FBXL2: variants seen among roughly 807,000 people sequenced by gnomAD.
FBXL2 encodes F-box/LRR-repeat protein 2.
FBXL2 carries 38 observed loss-of-function variants against 69.2 expected under a neutral mutation model. That is an observed-to-expected ratio of 0.55 (90% CI 0.42 to 0.72). The LOEUF (loss-of-function observed/expected upper bound fraction) is 0.72, where lower values mean the gene tolerates loss of function less well. FBXL2 is among the 30% of genes least tolerant of loss of function. The pLI is 0.00. For synonymous variants in FBXL2, 192 were observed against 201.3 expected, an observed-to-expected ratio of 0.95 and a Z score of 0.39; for missense variants, 354 against 520.3, an observed-to-expected ratio of 0.68 and a Z score of 3.11.
At chr3:33,385,094 C>A (rs1272249390) in intron 14 of FBXL2, among the ~76,000 whole-genome samples, 1 of 152,182 alleles carries the variant, frequency 6.6e-6, no homozygotes, top group Non-Finnish European at 1.5e-5. Flanking sequence ...GGAGGTAGAA[C>A]TCTCTTGGCT....
intron 2 of FBXL2, among the ~76,000 whole-genome samples, chr3:33,341,486 A>G (rs1260610519): frequency 6.6e-6 from 1 of 152,158 alleles, no homozygotes; most frequent in African/African-American, 2.4e-5. Context: ...ATAAAGTGGC[A>G]GGATGGTGCC....
At chr3:33,400,313 A>C (rs769032827) in intron 12 of FBXL2, 15 of 1,534,490 alleles carry the variant, frequency 9.8e-6, no homozygotes, top group Non-Finnish European at 1.2e-5. Flanking sequence ...CATAAATAAA[A>C]GGAACCATTC....
intron 14 of FBXL2, among the ~76,000 whole-genome samples, chr3:33,385,007 G>A (rs998306014): frequency 1.3e-5 from 2 of 152,116 alleles, no homozygotes; most frequent in Admixed American, 6.6e-5. Context: ...CAGCCTGGGC[G>A]ACAAGAGTGA....
intron 2 of FBXL2, among the ~76,000 whole-genome samples, chr3:33,298,160 A>G (rs2035915938): frequency 6.6e-6 from 1 of 152,226 alleles, no homozygotes; most frequent in Non-Finnish European, 1.5e-5. Flanking sequence ...TTAGCACTTA[A>G]AATGCTGTCA....
At chr3:33,380,827 C>G (rs1433127748) in intron 13 of FBXL2, among the ~76,000 whole-genome samples, 1 of 152,152 alleles carries the variant, frequency 6.6e-6, no homozygotes, top group Non-Finnish European at 1.5e-5. Context: ...CTGCTCGCTT[C>G]CAGAATGCAT....
chr3:33,354,005 C>T (rs2041013985), intron 2 of FBXL2, among the ~76,000 whole-genome samples: 1 of 152,158 alleles, frequency 6.6e-6, no homozygotes, highest in Non-Finnish European at 1.5e-5. Flanking sequence ...AGCTACATGA[C>T]ATGCATTTGG....
chr3:33,339,296 G>C (rs2039832339), intron 2 of FBXL2, among the ~76,000 whole-genome samples: 1 of 152,196 alleles, frequency 6.6e-6, no homozygotes, highest in Non-Finnish European at 1.5e-5. Context: ...TGAGGATGCA[G>C]AGAGAGGGGA....
At chr3:33,408,911 C>G in the FBXL2 span, 2 of 1,042,256 alleles carry the variant, frequency 1.9e-6, no homozygotes, top group Admixed American at 2.5e-5. Flanking sequence ...TAACAGGATT[C>G]AAAGTTAAAA....
At chr3:33,320,720 C>T (rs1037383897) in intron 2 of FBXL2, among the ~76,000 whole-genome samples, 2 of 151,956 alleles carry the variant, frequency 1.3e-5, no homozygotes, top group Non-Finnish European at 2.9e-5. Flanking sequence ...ACCTGGTGAT[C>T]CACCTTCCTC....
At chr3:33,378,594 A>C (rs188669696) in intron 12 of FBXL2, 91 bp from the exon 13 acceptor site, 1 of 1,304,840 alleles carries the variant, frequency 7.7e-7, no homozygotes, top group East Asian at 2.3e-5. Context: ...TAATTCTTTT[A>C]CACCTTTTGA....
chr3:33,384,761 A>T (rs61051554), intron 14 of FBXL2, among the ~76,000 whole-genome samples: 60,004 of 151,836 alleles, frequency 0.4, 13,102 homozygotes, highest in East Asian at 0.6. Context: ...CTATGTTGGG[A>T]TGGGCGCGGT....
chr3:33,370,485 G>T (rs67739017), intron 5 of FBXL2, among the ~76,000 whole-genome samples: 1 of 151,574 alleles, frequency 6.6e-6, no homozygotes, highest in Non-Finnish European at 1.5e-5. Flanking sequence ...GTATTTTAAG[G>T]ATGGTGCTCC....
At chr3:33,400,342 C>CA in intron 12 of FBXL2, 2 of 1,365,756 alleles carry the variant, frequency 1.5e-6, no homozygotes, top group African/African-American at 3.0e-5. Flanking sequence ...AACATTTAAA[C>CA]AAAACACAGA....
Position 33,369,616 on chromosome 3 carries a change from CATTATTATT to C in FBXL2, c.291-3469_291-3461del, listed in dbSNP as rs896584117. Among the ~76,000 whole-genome samples the C allele has an allele frequency of 7.9e-5, 12 of 151,616 alleles. No individual in the cohort carries two copies. The South Asian group carries it at 1.5e-3, about 18-fold the overall frequency. ...AGAGATTTATTATTATCATTATTATCATTATTATTATTATTTTAGATAGTCTCACTCTGT... is the reference window on the plus strand; with the variant it reads ...AGAGATTTATTATTATCATTATTATCATTATTTTAGATAGTCTCACTCTGT... On this transcript the variant is annotated intron_variant, in intron 5 of 14. Coordinates refer to ENST00000484457, the MANE Select transcript of FBXL2 (RefSeq NM_012157.5).
downstream of FBXL2, among the ~76,000 whole-genome samples, chr3:33,406,740 T>C (rs185596182): frequency 6.6e-5 from 10 of 152,314 alleles, no homozygotes; most frequent in Admixed American, 2.0e-4. Flanking sequence ...CCTGGGCTCA[T>C]AGTTATGGTT....
intron 2 of FBXL2, among the ~76,000 whole-genome samples, chr3:33,309,070 A>G (rs2036959454): frequency 1.3e-5 from 2 of 152,150 alleles, no homozygotes; most frequent in South Asian, 4.1e-4. Context: ...TGGAATATTC[A>G]AAATATGTCT....
chr3:33,375,173 A>C lies in FBXL2; in HGVS notation c.658-115A>C, dbSNP rs564835659. On this transcript the variant is annotated intron_variant, in intron 9 of 14. Transcript: ENST00000484457. ...TACTTATTTTGTTGAAGTTATTTGG[A>C]TAAAATGCTAGTAATCAGCAACCAA... The C allele has an allele frequency of 2.0e-5, 25 of 1,266,954 alleles. No homozygotes were observed. The South Asian group carries it at 3.1e-4, about 16-fold the overall frequency. The allele number at this position is 1,266,954 out of a possible 1,614,324, so 78.5% of individuals were successfully genotyped here. A position where few individuals can be genotyped will look rare whatever the true frequency, so the allele number is the denominator to read the frequency against.
At chr3:33,286,653 G>A (rs745480760) in intron 1 of FBXL2, among the ~76,000 whole-genome samples, 3 of 152,202 alleles carry the variant, frequency 2.0e-5, no homozygotes, top group Non-Finnish European at 4.4e-5. Flanking sequence ...CTACAGAGGC[G>A]GGCAGGCCTC....
At chr3:33,381,029 G>A (rs1224494287) in intron 13 of FBXL2, among the ~76,000 whole-genome samples, 1 of 152,198 alleles carries the variant, frequency 6.6e-6, no homozygotes, top group African/African-American at 2.4e-5. Context: ...CGTTGTTAGT[G>A]TTAATATAGA....
Sources: allele counts gnomAD v4.1 joint callset (sites outside exome capture counted in the v4.1 genomes callset), GRCh38; gene constraint gnomAD v4.1.1; transcripts MANE v1.5; gene names NCBI Gene and HGNC (gene_info 2026-07-23, HGNC 2026-07-21).